The following LDLRAD3 variants were observed in gnomAD, a reference collection of about 807,000 sequenced individuals.
The protein encoded by LDLRAD3 is low-density lipoprotein receptor class A domain-containing protein 3.
In LDLRAD3, 20 loss-of-function variants were observed where a neutral mutation model predicts 29.4. The observed-to-expected ratio is 0.68, with a 90% CI of 0.48 to 0.99. The LOEUF is 0.99. LDLRAD3 is among the 50% of genes least tolerant of loss of function. LDLRAD3 has a pLI of 0.00. For missense variants in LDLRAD3, 420 were observed against 454.3 expected (o/e 0.92, Z 0.69); for synonymous variants, 157 against 192.7 (o/e 0.81, Z 1.53).
intron 4 of LDLRAD3, among the ~76,000 whole-genome samples, chr11:36,142,540 C>T (rs777391280): frequency 4.6e-5 from 7 of 152,160 alleles, no homozygotes; most frequent in Non-Finnish European, 7.3e-5. Context: ...GAAGAGGATT[C>T]GGTTACTTGA....
chr11:36,103,432 G>C (rs1331725681), intron 4 of LDLRAD3, among the ~76,000 whole-genome samples: 1 of 151,930 alleles, frequency 6.6e-6, no homozygotes, highest in Non-Finnish European at 1.5e-5. Flanking sequence ...GTAGAGACGG[G>C]GTTTCACCGT....
In LDLRAD3 at chr11:36,205,341, C is replaced by T. The variant is rs369020751; in HGVS notation, c.455-21744C>T. 5.3e-5 allele frequency among the ~76,000 whole-genome samples: 8 copies of T among 152,316 alleles called. No individual in the cohort carries two copies. The East Asian group carries it at 1.2e-3, about 22-fold the overall frequency. ...GTATTGTGGCTCTTTTCGTGCTCCC[C>T]TCTGCGTCTTGAAAAGTGAATTCCA... On this transcript the variant is annotated intron_variant, in intron 4 of 5. Coordinates refer to ENST00000315571, the MANE Select transcript of LDLRAD3 (RefSeq NM_174902.4).
At chr11:36,180,769 G>T (rs1417356948) in intron 4 of LDLRAD3, among the ~76,000 whole-genome samples, 3 of 152,132 alleles carry the variant, frequency 2.0e-5, no homozygotes, top group African/African-American at 7.2e-5. Context: ...GTTGGGGGTG[G>T]GGTGCGGATG....
intron 1 of LDLRAD3, among the ~76,000 whole-genome samples, chr11:35,987,280 A>G (rs924857213): frequency 6.6e-6 from 1 of 152,182 alleles, no homozygotes; most frequent in African/African-American, 2.4e-5. Context: ...TTTTAGATAC[A>G]GGGGATACCT....
chr11:36,164,562 G>C (rs1027787017), intron 4 of LDLRAD3, among the ~76,000 whole-genome samples: 3 of 152,216 alleles, frequency 2.0e-5, no homozygotes, highest in Admixed American at 2.0e-4. Context: ...CAAGCAGCAG[G>C]GTCCGATATA....
intron 4 of LDLRAD3, among the ~76,000 whole-genome samples, chr11:36,135,182 G>A (rs1011604239): frequency 2.6e-5 from 4 of 152,144 alleles, no homozygotes; most frequent in Non-Finnish European, 4.4e-5. Flanking sequence ...TTAAACACAC[G>A]GTTTAATAAG....
intron 1 of LDLRAD3, among the ~76,000 whole-genome samples, chr11:35,975,673 T>C (rs1298469221): frequency 6.6e-6 from 1 of 152,108 alleles, no homozygotes; most frequent in Admixed American, 6.5e-5. Context: ...ACAAACAGTA[T>C]AGGCACTGGA....
intron 1 of LDLRAD3, among the ~76,000 whole-genome samples, chr11:35,977,349 C>T (rs1851489015): frequency 6.6e-6 from 1 of 152,086 alleles, no homozygotes; most frequent in Non-Finnish European, 1.5e-5. Flanking sequence ...CAAAACGCAG[C>T]CACATTTTGT....
intron 2 of LDLRAD3, among the ~76,000 whole-genome samples, chr11:36,051,231 G>A (rs1590227401): frequency 6.6e-6 from 1 of 152,220 alleles, no homozygotes; most frequent in African/African-American, 2.4e-5. Context: ...TGGGAAGGGA[G>A]AGGAAAGGTT....
intron 1 of LDLRAD3, among the ~76,000 whole-genome samples, chr11:35,981,401 G>T (rs1851540155): frequency 1.3e-5 from 2 of 152,158 alleles, no homozygotes; most frequent in African/African-American, 4.8e-5. Flanking sequence ...GACCTCAGTG[G>T]GTGGCTGTGG....
At chr11:36,175,850 C>T (rs190422315) in intron 4 of LDLRAD3, among the ~76,000 whole-genome samples, 2 of 152,206 alleles carry the variant, frequency 1.3e-5, no homozygotes, top group East Asian at 1.9e-4. Flanking sequence ...AGTTTAAGTC[C>T]ATTGTTACTT....
chr11:36,107,181 C>T lies in LDLRAD3; in HGVS notation c.454+8720C>T, dbSNP rs140718591. 1.1e-3 allele frequency among the ~76,000 whole-genome samples: 165 copies of T among 151,976 alleles called. 1 individual carries two copies. In the East Asian group the frequency reaches 0.016, roughly 14 times the overall value. On this transcript the variant is annotated intron_variant, in intron 4 of 5. Coordinates refer to ENST00000315571, the MANE Select transcript of LDLRAD3 (RefSeq NM_174902.4). ...TATTAGATCCTCAGGAAATGTCTGT[C>T]TGTAATTTTTCTTTTTCTTTTTCTT... is the stretch of plus-strand genomic sequence containing the variant.
chr11:36,184,647 C>T (rs114784813), intron 4 of LDLRAD3, among the ~76,000 whole-genome samples: 155 of 152,208 alleles, frequency 1.0e-3, no homozygotes, highest in African/African-American at 3.5e-3. Flanking sequence ...TTTGAGGTTC[C>T]CTGGACCATC....
chr11:36,124,322 T>C (rs1853804051), intron 4 of LDLRAD3, among the ~76,000 whole-genome samples: 1 of 152,190 alleles, frequency 6.6e-6, no homozygotes, highest in Admixed American at 6.5e-5. Context: ...CTACCAAGTA[T>C]CATGGAAGCA....
At chr11:36,164,555 G>A (rs1251914752) in intron 4 of LDLRAD3, among the ~76,000 whole-genome samples, 1 of 152,258 alleles carries the variant, frequency 6.6e-6, no homozygotes, top group Non-Finnish European at 1.5e-5. Context: ...TTGCTGGCAA[G>A]CAGCAGGGTC....
At chr11:36,124,671 G>A (rs1383874170) in intron 4 of LDLRAD3, among the ~76,000 whole-genome samples, 3 of 151,406 alleles carry the variant, frequency 2.0e-5, no homozygotes, top group African/African-American at 2.4e-5. Context: ...TGTCCGGCAC[G>A]CTAGTCTCCT....
chr11:35,968,833 C>CCT (rs1851374602), intron 1 of LDLRAD3, among the ~76,000 whole-genome samples: 2 of 152,218 alleles, frequency 1.3e-5, no homozygotes, highest in African/African-American at 4.8e-5. Context: ...TTTAACCTGG[C>CCT]AGGTTTCACA....
chr11:36,210,742 G>A (rs1203963566), intron 4 of LDLRAD3, among the ~76,000 whole-genome samples: 1 of 152,188 alleles, frequency 6.6e-6, no homozygotes, highest in Non-Finnish European at 1.5e-5. Context: ...CAACCACCCA[G>A]GGAGGTGGTG....
At chr11:35,989,876 C>G (rs1313880535) in intron 1 of LDLRAD3, among the ~76,000 whole-genome samples, 3 of 152,146 alleles carry the variant, frequency 2.0e-5, no homozygotes, top group African/African-American at 7.2e-5. Context: ...TCTTCTTTTC[C>G]TATTTGGATG....
Sources: gnomAD v4.1 joint callset for allele counts (sites outside exome capture counted in the v4.1 genomes callset) on GRCh38, gnomAD v4.1.1 for gene constraint, MANE v1.5 for transcripts, NCBI Gene and HGNC (gene_info 2026-07-23, HGNC 2026-07-21) for gene names.